The following SCHIP1 variants were observed in gnomAD, a reference collection of about 807,000 sequenced individuals.
SCHIP1 encodes schwannomin interacting protein 1.
SCHIP1 carries 8 observed loss-of-function variants against 29.7 expected under a neutral mutation model. The ratio of observed to expected loss-of-function variants is 0.27; its 90% confidence interval spans 0.16 to 0.49. The LOEUF (loss-of-function observed/expected upper bound fraction) is 0.49, where lower values mean the gene tolerates loss of function less well. Ranked by LOEUF, SCHIP1 falls within the 20% of genes least tolerant of loss-of-function variation. The probability of loss-of-function intolerance (pLI) is 0.99; values close to 1 mark genes in which losing one functional copy is unlikely to be tolerated. For missense variants in SCHIP1, 193 were observed against 294.6 expected, an observed-to-expected ratio of 0.66 and a Z score of 2.52; for synonymous variants, 76 against 94.9, an observed-to-expected ratio of 0.80 and a Z score of 1.16.
intron 2 of SCHIP1, among the ~76,000 whole-genome samples, chr3:159,883,371 G>A (rs1220349109): frequency 1.3e-5 from 2 of 152,254 alleles, no homozygotes; most frequent in African/African-American, 4.8e-5. Context: ...GAGGGACAGA[G>A]GCCCGGGGAA....
the SCHIP1 span, among the ~76,000 whole-genome samples, chr3:159,548,638 CTCTCT>C: frequency 2.0e-5 from 3 of 151,828 alleles, no homozygotes; most frequent in Admixed American, 6.6e-5. Context: ...TTCTATTGCT[CTCTCT>C]TAAGTTTACT....
chr3:159,415,932 G>A, the SCHIP1 span, among the ~76,000 whole-genome samples: 3 of 152,128 alleles, frequency 2.0e-5, no homozygotes, highest in African/African-American at 7.2e-5. Flanking sequence ...CAGTGCACAT[G>A]CCGAAGATCT....
the SCHIP1 span, among the ~76,000 whole-genome samples, chr3:159,505,913 A>G: frequency 6.6e-6 from 1 of 152,184 alleles, no homozygotes; most frequent in Non-Finnish European, 1.5e-5. Flanking sequence ...GCTATTGTGA[A>G]TAGTGCCGCA....
chr3:159,603,733 G>A, the SCHIP1 span, among the ~76,000 whole-genome samples: 3 of 152,184 alleles, frequency 2.0e-5, no homozygotes, highest in Admixed American at 2.0e-4. Context: ...TTCTGTTGCT[G>A]TAACTGAATA....
the SCHIP1 span, among the ~76,000 whole-genome samples, chr3:159,367,995 T>A: frequency 6.6e-6 from 1 of 152,308 alleles, no homozygotes; most frequent in African/African-American, 2.4e-5. Context: ...CTATCTCTAT[T>A]TCTATATTCC....
At chr3:159,800,248 C>T in the SCHIP1 span, among the ~76,000 whole-genome samples, 1 of 152,118 alleles carries the variant, frequency 6.6e-6, no homozygotes, top group Admixed American at 6.5e-5. Flanking sequence ...TACCCACCTC[C>T]CTGAACCCAC....
At chr3:159,696,172 A>G in the SCHIP1 span, among the ~76,000 whole-genome samples, 1 of 152,188 alleles carries the variant, frequency 6.6e-6, no homozygotes, top group African/African-American at 2.4e-5. Context: ...TTTATAACAA[A>G]TGGTTTACAA....
At chr3:159,659,099 G>T in the SCHIP1 span, among the ~76,000 whole-genome samples, 1 of 152,296 alleles carries the variant, frequency 6.6e-6, no homozygotes, top group East Asian at 1.9e-4. Context: ...GTTTGGGACC[G>T]GGCACATAGT....
the SCHIP1 span, among the ~76,000 whole-genome samples, chr3:159,548,145 T>C: frequency 6.6e-6 from 1 of 152,138 alleles, no homozygotes; most frequent in Non-Finnish European, 1.5e-5. Context: ...CATTTTTTTG[T>C]TGTAATATTC....
chr3:159,414,097 A>G, the SCHIP1 span, among the ~76,000 whole-genome samples: 1 of 152,208 alleles, frequency 6.6e-6, no homozygotes, highest in Non-Finnish European at 1.5e-5. Flanking sequence ...GCAGGGCACT[A>G]TAGTTGAAAG....
At chr3:159,346,444 G>T in the SCHIP1 span, among the ~76,000 whole-genome samples, 1 of 151,592 alleles carries the variant, frequency 6.6e-6, no homozygotes, top group Non-Finnish European at 1.5e-5. Context: ...ATATGGTTTA[G>T]GAAAAAAATG....
the SCHIP1 span, among the ~76,000 whole-genome samples, chr3:159,492,192 G>A: frequency 8.5e-5 from 13 of 152,258 alleles, 1 homozygote; most frequent in South Asian, 4.2e-4. Flanking sequence ...AAATCAGAGC[G>A]CCTCTCCTCC....
chr3:159,793,128 C>G, the SCHIP1 span, among the ~76,000 whole-genome samples: 3 of 152,144 alleles, frequency 2.0e-5, no homozygotes, highest in Non-Finnish European at 2.9e-5. Flanking sequence ...CGCCATGTAT[C>G]ATAATCCTTG....
chr3:159,620,938 T>A, the SCHIP1 span, among the ~76,000 whole-genome samples: 2 of 152,240 alleles, frequency 1.3e-5, no homozygotes, highest in African/African-American at 4.8e-5. Flanking sequence ...AGTCGGATTG[T>A]AGCTCTAAGT....
the SCHIP1 span, among the ~76,000 whole-genome samples, chr3:159,579,430 T>C: frequency 6.6e-6 from 1 of 152,150 alleles, no homozygotes; most frequent in Non-Finnish European, 1.5e-5. Context: ...TCCTAGTAAA[T>C]TGCTTATAAA....
the SCHIP1 span, among the ~76,000 whole-genome samples, chr3:159,305,684 G>T: frequency 6.6e-6 from 1 of 152,114 alleles, no homozygotes; most frequent in Non-Finnish European, 1.5e-5. Context: ...ACTGTATGTT[G>T]GTTACTTGAG....
chr3:159,850,960 G>A (rs553445107), intron 1 of SCHIP1, among the ~76,000 whole-genome samples: 1 of 152,172 alleles, frequency 6.6e-6, no homozygotes, highest in Non-Finnish European at 1.5e-5. Flanking sequence ...AGATTTGTCT[G>A]TGTTGAACTC....
chr3:159,625,401 C>A, the SCHIP1 span, among the ~76,000 whole-genome samples: 3 of 152,156 alleles, frequency 2.0e-5, no homozygotes, highest in African/African-American at 7.2e-5. Flanking sequence ...CCTTATTAAC[C>A]AGGAAGCTTA....
the SCHIP1 span, among the ~76,000 whole-genome samples, chr3:159,429,014 G>T: frequency 1.3e-5 from 2 of 148,980 alleles, no homozygotes; most frequent in South Asian, 2.2e-4. Flanking sequence ...CATGGACACA[G>T]GAAGGGGAAC....
Sources: gnomAD v4.1 joint callset for allele counts (sites outside exome capture counted in the v4.1 genomes callset) on GRCh38, gnomAD v4.1.1 for gene constraint, MANE v1.5 for transcripts, NCBI Gene and HGNC (gene_info 2026-07-23, HGNC 2026-07-21) for gene names.